The following PAK2 variants were observed in gnomAD, a reference collection of about 807,000 sequenced individuals.
PAK2 encodes p21 (RAC1) activated kinase 2.
PAK2 carries 21 observed loss-of-function variants against 65.9 expected under a neutral mutation model. The ratio of observed to expected loss-of-function variants is 0.32; its 90% CI spans 0.23 to 0.46. The LOEUF (loss-of-function observed/expected upper bound fraction) is 0.46, where lower values mean the gene tolerates loss of function less well. PAK2 is among the 20% of genes least tolerant of loss of function. The pLI is 1.00. For synonymous variants in PAK2, 204 were observed against 219.7 expected (o/e 0.93, Z 0.63); for missense variants, 324 against 642.6 (o/e 0.50, Z 5.36).
At chr3:196,784,987 T>A (rs1043327638) in intron 2 of PAK2, 1 of 152,400 alleles carries the variant, frequency 6.6e-6, no homozygotes, top group South Asian at 2.1e-4. Flanking sequence ...GTGAAAAATA[T>A]GGAACGCTTC....
rs1401309667 is a variant in PAK2 at position 196,832,104 on chromosome 3, A to G, written c.*3699A>G. ...GCAAGCGCTGGCCTGGCCTTGAAAG[A>G]ACCGAAGTCTTTCCCATTCACTTCT... is the stretch of plus-strand genomic sequence containing the variant. On this transcript the variant is annotated 3_prime_UTR_variant, in exon 15 of 15. Transcript: ENST00000327134. 1 of 152,232 alleles carries G rather than the reference A, an allele frequency of 6.6e-6. No homozygotes were observed. The highest frequency in any genetic ancestry group is 1.5e-5 in the Non-Finnish European group (1 of 68,050). The allele number at this position is 152,232 out of a possible 1,614,324, so 9.4% of individuals were successfully genotyped here.
At chr3:196,814,899 G>T (rs1715943701) in intron 11 of PAK2, among the ~76,000 whole-genome samples, 2 of 152,138 alleles carry the variant, frequency 1.3e-5, no homozygotes, top group African/African-American at 4.8e-5. Context: ...CACCACTCAG[G>T]CTGGGCGCGG....
chr3:196,753,024 A>C (rs1713659476), intron 1 of PAK2, among the ~76,000 whole-genome samples: 1 of 150,970 alleles, frequency 6.6e-6, no homozygotes, highest in Non-Finnish European at 1.5e-5. Context: ...TGTGTCACCC[A>C]GGCTGGAGTG....
chr3:196,818,686 A>G (rs561437743), intron 12 of PAK2, among the ~76,000 whole-genome samples: 1 of 152,180 alleles, frequency 6.6e-6, no homozygotes, highest in Non-Finnish European at 1.5e-5. Flanking sequence ...ATTTTTAAGT[A>G]ATCTTAATGG....
In PAK2 at chr3:196,830,831, T is replaced by TA. The variant is rs1215880000; in HGVS notation, c.*2430dup. 1 of 152,244 alleles carries TA rather than the reference T, an allele frequency of 6.6e-6. No individual in the cohort carries two copies. The highest frequency in any genetic ancestry group is 2.4e-5 in the African/African-American group (1 of 41,470). 9.4% of individuals were successfully genotyped at this position (152,244 alleles called of 1,614,324 possible). A position where few individuals can be genotyped will look rare whatever the true frequency, so the allele number is the denominator to read the frequency against. On this transcript the variant is annotated 3_prime_UTR_variant, in exon 15 of 15. Transcript: ENST00000327134. ...ATACAGAATTGTGATTTATTAATTT[T>TA]AAAACATTCAGAACTTGTTGAAAGA...
At chr3:196,753,590 T>A (rs1247398984) in intron 1 of PAK2, among the ~76,000 whole-genome samples, 2 of 152,234 alleles carry the variant, frequency 1.3e-5, no homozygotes, top group African/African-American at 4.8e-5. Context: ...AGCTTTCTGT[T>A]TTACATTTAA....
chr3:196,780,889 C>T (rs778957657), intron 1 of PAK2, among the ~76,000 whole-genome samples: 10 of 152,096 alleles, frequency 6.6e-5, no homozygotes, highest in Non-Finnish European at 7.4e-5. Context: ...CCCGGGTTCA[C>T]GCCATTCTCC....
chr3:196,782,966 A>G, intron 2 of PAK2, 133 bp downstream of exon 2: 1 of 479,776 alleles, frequency 2.1e-6, no homozygotes, highest in Non-Finnish European at 3.7e-6. Context: ...AGGCACTATT[A>G]AAAAGACTAG....
intron 7 of PAK2, among the ~76,000 whole-genome samples, chr3:196,808,568 A>AG (rs1016031172): frequency 6.8e-6 from 1 of 147,926 alleles, no homozygotes; most frequent in African/African-American, 2.5e-5. Context: ...AAAAAAAAAA[A>AG]AAAAAAAGCG....
At chr3:196,755,838 C>T (rs750590280) in intron 1 of PAK2, among the ~76,000 whole-genome samples, 4 of 152,068 alleles carry the variant, frequency 2.6e-5, no homozygotes, top group Non-Finnish European at 5.9e-5. Context: ...TCACTGCAAC[C>T]TCCGCCTCCT....
At chr3:196,788,503 TGACAG>T (rs1714968822) in intron 2 of PAK2, among the ~76,000 whole-genome samples, 1 of 152,204 alleles carries the variant, frequency 6.6e-6, no homozygotes, top group African/African-American at 2.4e-5. Flanking sequence ...TAAGGCAACT[TGACAG>T]AACAGATCTT....
At chr3:196,801,134 C>CA (rs1260133057) in intron 2 of PAK2, among the ~76,000 whole-genome samples, 1 of 152,084 alleles carries the variant, frequency 6.6e-6, no homozygotes, top group Admixed American at 6.5e-5. Flanking sequence ...TATGCTTGCA[C>CA]AAAAAAGGAG....
intron 1 of PAK2, among the ~76,000 whole-genome samples, chr3:196,763,682 G>A (rs752028284): frequency 4.6e-5 from 7 of 152,116 alleles, no homozygotes; most frequent in Non-Finnish European, 1.0e-4. Flanking sequence ...CGTTTTCATG[G>A]CAAAATAGTA....
rs537432079 is a variant in PAK2 at position 196,828,039 on chromosome 3, G to A, written c.1489-280G>A. 1.2e-4 allele frequency among the ~76,000 whole-genome samples: 17 copies of A among 147,578 alleles called. 1 individual carries two copies. The East Asian group carries it at 1.2e-3, about 10-fold the overall frequency. On this transcript the variant is annotated intron_variant, in intron 14 of 14. Transcript: ENST00000327134. The stretch of plus-strand genomic sequence containing the variant: ...CAGACCTGTTTACAGTTTGTGCATC[G>A]TATCAATCCTCAGACCTGTTTACAG...
Position 196,820,706 on chromosome 3 carries a change from A to G in PAK2, c.1350+139A>G, listed in dbSNP as rs752333409. The G allele has an allele frequency of 2.2e-6, 1 of 457,448 alleles. No homozygotes were observed. Among genetic ancestry groups the G allele is most frequent in the Non-Finnish European group, 3.9e-6 (1 of 258,798 alleles). 28.3% of individuals were successfully genotyped at this position (457,448 alleles called of 1,614,324 possible). A position where few individuals can be genotyped will look rare whatever the true frequency, so the allele number is the denominator to read the frequency against. ...AATCTCTGCCCCTAACTCTGCATCT[A>G]GAAATCATTTGCTCTCTGAGTTACA... is the stretch of plus-strand genomic sequence containing the variant. On this transcript the variant is annotated intron_variant, in intron 13 of 14. Transcript: ENST00000327134. The surrounding 1 kb of genome is among the most constrained non-coding windows in gnomAD (Gnocchi z 4.6).
At chr3:196,806,903 C>T (rs1269085116) in intron 6 of PAK2, among the ~76,000 whole-genome samples, 1 of 152,166 alleles carries the variant, frequency 6.6e-6, no homozygotes, top group East Asian at 1.9e-4. Context: ...AGTTAACGCA[C>T]TCACCTCACT....
intron 1 of PAK2, among the ~76,000 whole-genome samples, chr3:196,766,395 T>TA (rs1351081682): frequency 1.3e-5 from 2 of 152,144 alleles, no homozygotes; most frequent in African/African-American, 4.8e-5. Flanking sequence ...TACAAAAAGT[T>TA]ACCATTATAG....
rs114794700 is a variant in PAK2 at position 196,824,238 on chromosome 3, C to G, written c.1351-2958C>G. On this transcript the variant is annotated intron_variant, in intron 13 of 14. Transcript: ENST00000327134. ...TGTACATAGTGGATCTTGGTGATTA[C>G]ATAGATCCAGTCATTCAAATACAAC... 3.1e-3 allele frequency among the ~76,000 whole-genome samples: 471 copies of G among 152,262 alleles called. 3 individuals carry two copies. Among genetic ancestry groups the G allele is most frequent in the Non-Finnish European group, 6.0e-3 (406 of 68,012 alleles).
chr3:196,762,743 C>T (rs547931943), intron 1 of PAK2, among the ~76,000 whole-genome samples: 3 of 150,542 alleles, frequency 2.0e-5, no homozygotes, highest in South Asian at 4.2e-4. Flanking sequence ...TGCAGTGAGC[C>T]GAGATCGTGC....
Sources: gnomAD v4.1 joint callset for allele counts (sites outside exome capture counted in the v4.1 genomes callset) on GRCh38, gnomAD v4.1.1 for gene constraint, Gnocchi (gnomAD v3.1) non-coding constraint, MANE v1.5 for transcripts, NCBI Gene and HGNC (gene_info 2026-07-23, HGNC 2026-07-21) for gene names.